Variants in FGF14 observed in about 807,000 individuals in gnomAD.
FGF14 encodes the protein fibroblast growth factor homologous factor 4.
In FGF14, 5 loss-of-function variants were observed where a neutral mutation model predicts 25.5. The ratio of observed to expected loss-of-function variants is 0.20; its 90% confidence interval spans 0.10 to 0.41. The LOEUF (loss-of-function observed/expected upper bound fraction) is 0.41. FGF14 is among the 10% of genes least tolerant of loss of function. The probability of loss-of-function intolerance (pLI) is 1.00; values close to 1 mark genes in which losing one functional copy is unlikely to be tolerated. For missense variants in FGF14, 222 were observed against 320.1 expected, an observed-to-expected ratio of 0.69 and a Z score of 2.34; for synonymous variants, 138 against 118.3, an observed-to-expected ratio of 1.17 and a Z score of -1.08.
At chr13:101,952,295 A>G (rs963877638) in intron 1 of FGF14, among the ~76,000 whole-genome samples, 1 of 152,144 alleles carries the variant, frequency 6.6e-6, no homozygotes, top group African/African-American at 2.4e-5. Flanking sequence ...CACTATGATC[A>G]TCAGAAGTTT....
At chr13:101,774,943 T>G (rs1415507001) in intron 3 of FGF14, among the ~76,000 whole-genome samples, 1 of 133,900 alleles carries the variant, frequency 7.5e-6, no homozygotes, top group Non-Finnish European at 1.5e-5. Flanking sequence ...CCCTCCAGCC[T>G]GGGCAACACG....
chr13:101,812,611 CTATATATATATATA>C (rs35878751), intron 3 of FGF14, among the ~76,000 whole-genome samples: 564 of 12,334 alleles, frequency 0.046, 33 homozygotes, highest in East Asian at 0.12. Context: ...ATTTTTAAAA[CTATATATATATATA>C]TATATATATA....
intron 3 of FGF14, among the ~76,000 whole-genome samples, chr13:101,792,034 G>A (rs922504574): frequency 1.4e-4 from 21 of 152,100 alleles, no homozygotes; most frequent in Admixed American, 1.3e-3. Context: ...TGTGACAAGT[G>A]AGAAAATATA....
intron 1 of FGF14, among the ~76,000 whole-genome samples, chr13:102,004,683 C>T (rs2039686642): frequency 6.6e-6 from 1 of 152,036 alleles, no homozygotes; most frequent in African/African-American, 2.4e-5. Flanking sequence ...GGCTGTGTCC[C>T]CACCCAAATC....
At chr13:102,044,709 A>T (rs1487449586) in intron 1 of FGF14, among the ~76,000 whole-genome samples, 1 of 152,138 alleles carries the variant, frequency 6.6e-6, no homozygotes, top group Non-Finnish European at 1.5e-5. Context: ...TTTCAGGAGG[A>T]AAACAATCTC....
intron 1 of FGF14, among the ~76,000 whole-genome samples, chr13:102,257,983 G>C (rs1229179209): frequency 1.3e-5 from 2 of 152,162 alleles, no homozygotes; most frequent in Admixed American, 1.3e-4. Flanking sequence ...AATTTACAAA[G>C]AAAAATGTTT....
chr13:102,122,420 C>T (rs1449050509), intron 1 of FGF14, among the ~76,000 whole-genome samples: 1 of 152,178 alleles, frequency 6.6e-6, no homozygotes, highest in Non-Finnish European at 1.5e-5. Context: ...TGCTAACAAG[C>T]CCCTAGCCCA....
chr13:102,251,576 G>A (rs184794201), intron 1 of FGF14, among the ~76,000 whole-genome samples: 128 of 152,160 alleles, frequency 8.4e-4, no homozygotes, highest in Non-Finnish European at 1.5e-3. Flanking sequence ...AACAAGGGGC[G>A]AGGAGGGCTA....
intron 1 of FGF14, among the ~76,000 whole-genome samples, chr13:102,337,852 T>C (rs754014006): frequency 6.6e-6 from 1 of 152,188 alleles, no homozygotes; most frequent in Non-Finnish European, 1.5e-5. Flanking sequence ...TTTTAACTAA[T>C]AAAGTATTTT....
At chr13:101,872,440 C>CT (rs1387440265) in intron 2 of FGF14, among the ~76,000 whole-genome samples, 1 of 151,784 alleles carries the variant, frequency 6.6e-6, no homozygotes, top group Non-Finnish European at 1.5e-5. Context: ...GAGCTGTACT[C>CT]TAAGTAGGAC....
intron 1 of FGF14, among the ~76,000 whole-genome samples, chr13:102,190,839 G>GA (rs1205802639): frequency 1.3e-5 from 2 of 152,002 alleles, no homozygotes; most frequent in African/African-American, 4.8e-5. Flanking sequence ...CTTTATTAAA[G>GA]AAAAAACAGC....
chr13:102,117,343 T>G (rs1265236691), intron 1 of FGF14, among the ~76,000 whole-genome samples: 1 of 152,188 alleles, frequency 6.6e-6, no homozygotes, highest in Non-Finnish European at 1.5e-5. Context: ...TGTCCTGACT[T>G]GCTCCATGTT....
At chr13:102,302,239 A>G (rs1267231166) in intron 1 of FGF14, among the ~76,000 whole-genome samples, 1 of 152,156 alleles carries the variant, frequency 6.6e-6, no homozygotes, top group Non-Finnish European at 1.5e-5. Context: ...TTGGAGATAT[A>G]TTAGTGGTTA....
chr13:102,149,939 G>C (rs989580475), intron 1 of FGF14, among the ~76,000 whole-genome samples: 1 of 152,126 alleles, frequency 6.6e-6, no homozygotes, highest in South Asian at 2.1e-4. Context: ...TTTTATTCAA[G>C]AGAAGCTTGT....
intron 1 of FGF14, among the ~76,000 whole-genome samples, chr13:101,940,951 GTAAGT>G (rs923288242): frequency 1.1e-4 from 16 of 152,236 alleles, no homozygotes; most frequent in African/African-American, 3.6e-4. Flanking sequence ...TGAAAACAAA[GTAAGT>G]TAAGAACAGA....
At chr13:102,401,789 C>T (rs896894920), upstream of FGF14, 31 of 921,040 alleles carry the variant, frequency 3.4e-5, no homozygotes, top group South Asian at 3.4e-4. Context: ...AATGATTTAT[C>T]CCCCCTCGAT....
Position 101,715,536 on chromosome 13 carries a change from A to T in FGF14, c.*7295T>A. The stretch of plus-strand genomic sequence containing the variant: ...AATTTGGCACATTTTGATCATAATC[A>T]TGATACCTATATGTATTTTATTGCA... On this transcript the variant is annotated 3_prime_UTR_variant, in exon 5 of 5. Transcript: ENST00000376143. 1 of 1,496,142 alleles carries T rather than the reference A, an allele frequency of 6.7e-7. No homozygotes were observed. The highest frequency in any genetic ancestry group is 1.7e-4 in the Middle Eastern group (1 of 5,822). The allele number at this position is 1,496,142 out of a possible 1,614,324, so 92.7% of individuals were successfully genotyped here.
At chr13:101,891,689 C>A (rs2029861876) in intron 1 of FGF14, among the ~76,000 whole-genome samples, 1 of 151,824 alleles carries the variant, frequency 6.6e-6, no homozygotes, top group South Asian at 2.1e-4. Flanking sequence ...TATATATATA[C>A]ATACATACAT....
chr13:101,712,897 A>G lies in FGF14; in HGVS notation c.*9934T>C, dbSNP rs2034540124. 1 of 152,194 alleles carries G rather than the reference A, an allele frequency of 6.6e-6. No individual in the cohort carries two copies. The allele number at this position is 152,194 out of a possible 1,614,324, so 9.4% of individuals were successfully genotyped here. A position where few individuals can be genotyped will look rare whatever the true frequency, so the allele number is the denominator to read the frequency against. Reference sequence around the variant, plus strand: ...AGCATCCTTTGCAGACTGACCTGGGAGCAGCAGCTCACTGGGTCCTGAGAA... The same window carrying G: ...AGCATCCTTTGCAGACTGACCTGGGGGCAGCAGCTCACTGGGTCCTGAGAA... On this transcript the variant is annotated 3_prime_UTR_variant, in exon 5 of 5. Transcript: ENST00000376143.
Sources: gnomAD v4.1 joint callset for allele counts (sites outside exome capture counted in the v4.1 genomes callset) on GRCh38, gnomAD v4.1.1 for gene constraint, MANE v1.5 for transcripts, NCBI Gene and HGNC (gene_info 2026-07-23, HGNC 2026-07-21) for gene names.